FBXW4: variants seen among roughly 807,000 people sequenced by gnomAD.
The protein encoded by FBXW4 is F-box/WD repeat-containing protein 4.
Under a neutral mutation model 61.8 loss-of-function variants are expected in FBXW4, and 40 were observed. That is an observed-to-expected ratio of 0.65 (90% confidence interval 0.50 to 0.84). FBXW4 has a LOEUF of 0.84. Among genes scored for constraint, FBXW4 ranks in the 40% least tolerant of loss-of-function variants. The pLI is 0.00. For synonymous variants in FBXW4, 311 were observed against 313.8 expected (o/e 0.99, Z 0.10); for missense variants, 672 against 753.8 (o/e 0.89, Z 1.27).
At chr10:101,660,886 C>T (rs969618856) in intron 5 of FBXW4, among the ~76,000 whole-genome samples, 1 of 152,198 alleles carries the variant, frequency 6.6e-6, no homozygotes, top group African/African-American at 2.4e-5. Flanking sequence ...TTTTACTTGT[C>T]GGTCTCTCCC....
intron 5 of FBXW4, among the ~76,000 whole-genome samples, chr10:101,654,669 T>C (rs1448214234): frequency 6.6e-6 from 1 of 152,248 alleles, no homozygotes; most frequent in Non-Finnish European, 1.5e-5. Context: ...TACTATTTTC[T>C]GACCTTTTTT....
At chr10:101,615,192 G>A (rs567596934) in intron 6 of FBXW4, among the ~76,000 whole-genome samples, 3 of 152,158 alleles carry the variant, frequency 2.0e-5, no homozygotes, top group Non-Finnish European at 4.4e-5. Context: ...GGGGGCGAGA[G>A]GGGGGTGCAG....
At chr10:101,674,082 C>T (rs773961103) in intron 2 of FBXW4, among the ~76,000 whole-genome samples, 4 of 152,124 alleles carry the variant, frequency 2.6e-5, no homozygotes, top group Non-Finnish European at 5.9e-5. Flanking sequence ...GTAATCCTAG[C>T]ACTTTGGGAG....
intron 7 of FBXW4, 44 bp downstream of exon 7, chr10:101,612,293 G>A: frequency 6.7e-7 from 1 of 1,491,216 alleles, no homozygotes; most frequent in Non-Finnish European, 9.0e-7. Flanking sequence ...ACCAGGATTG[G>A]TGCAGGGCCC....
At chr10:101,621,987 A>C (rs2063870010) in intron 6 of FBXW4, among the ~76,000 whole-genome samples, 1 of 152,168 alleles carries the variant, frequency 6.6e-6, no homozygotes, top group Admixed American at 6.5e-5. Context: ...TCACTCACAG[A>C]GCTACCAAAA....
At chr10:101,672,499 T>C (rs537723440) in intron 4 of FBXW4, among the ~76,000 whole-genome samples, 1 of 152,316 alleles carries the variant, frequency 6.6e-6, no homozygotes, top group South Asian at 2.1e-4. Context: ...ATTTTAATTA[T>C]CAGCCTGATT....
chr10:101,672,848 G>C, intron 4 of FBXW4, 67 bp downstream of exon 4: 2 of 1,562,740 alleles, frequency 1.3e-6, no homozygotes, highest in Non-Finnish European at 1.7e-6. Flanking sequence ...CTGAGACTCA[G>C]GGATCTATCC....
intron 6 of FBXW4, among the ~76,000 whole-genome samples, chr10:101,621,348 G>A (rs1554925559): frequency 6.6e-6 from 1 of 152,156 alleles, no homozygotes; most frequent in Non-Finnish European, 1.5e-5. Flanking sequence ...GCAACATAGC[G>A]AGACCTTGTC....
Position 101,611,996 on chromosome 10 carries a change from C to T in FBXW4, c.1443-227G>A, listed in dbSNP as rs2063790804. On this transcript the variant is annotated intron_variant, in intron 7 of 8. Coordinates refer to ENST00000331272, the MANE Select transcript of FBXW4 (RefSeq NM_022039.4). This position sits in a 1 kb window ranked among gnomAD's most constrained non-coding sequence, Gnocchi z 4.9. ...GACGACACAGCAGATTATGCCTGCA[C>T]TTCTGTTTTCACATGGCCAGCTACT... Among the ~76,000 whole-genome samples, 1 of 152,284 alleles carries T rather than the reference C, an allele frequency of 6.6e-6. No individual in the cohort carries two copies. The highest frequency in any genetic ancestry group is 2.4e-5 in the African/African-American group (1 of 41,480).
chr10:101,619,695 C>G (rs1321370008), intron 6 of FBXW4, among the ~76,000 whole-genome samples: 2 of 151,766 alleles, frequency 1.3e-5, no homozygotes, highest in South Asian at 4.2e-4. Context: ...GGGAAGGGGA[C>G]AGCCAAGCTC....
chr10:101,671,513 T>A (rs1191634642), intron 4 of FBXW4, among the ~76,000 whole-genome samples: 1 of 152,202 alleles, frequency 6.6e-6, no homozygotes, highest in Non-Finnish European at 1.5e-5. Flanking sequence ...CTCAGATTGC[T>A]ACCTATGGTT....
At chr10:101,674,185 C>T (rs1203265872) in intron 2 of FBXW4, among the ~76,000 whole-genome samples, 5 of 152,088 alleles carry the variant, frequency 3.3e-5, no homozygotes, top group African/African-American at 1.2e-4. Flanking sequence ...CAAAATTAGA[C>T]AGGCATAGTG....
chr10:101,658,434 A>G lies in FBXW4; in HGVS notation c.1235+9452T>C, dbSNP rs1379250945. 2.0e-5 allele frequency among the ~76,000 whole-genome samples: 3 copies of G among 152,028 alleles called. No homozygotes were observed. In the East Asian group the frequency reaches 5.8e-4, roughly 29 times the overall value. ...GTGGCATGCGCCTGTAATCCCAGCT[A>G]CTCAGGAGGCTGAGGCAGGACAATT... On this transcript the variant is annotated intron_variant, in intron 5 of 8. Transcript: ENST00000331272.
intron 2 of FBXW4, among the ~76,000 whole-genome samples, chr10:101,674,594 T>C (rs895457376): frequency 2.0e-5 from 3 of 152,230 alleles, no homozygotes; most frequent in African/African-American, 7.2e-5. Context: ...GCTAATGTAC[T>C]GATTAGATAC....
chr10:101,641,458 C>G (rs182588925), intron 5 of FBXW4, among the ~76,000 whole-genome samples: 7 of 152,252 alleles, frequency 4.6e-5, no homozygotes, highest in African/African-American at 1.7e-4. Flanking sequence ...TTTATCTCTT[C>G]TCCACCCTGA....
intron 1 of FBXW4, among the ~76,000 whole-genome samples, chr10:101,681,124 A>G (rs1589780155): frequency 6.6e-6 from 1 of 152,210 alleles, no homozygotes; most frequent in Admixed American, 6.5e-5. Flanking sequence ...TTGGTGGCTC[A>G]CAACTGTGAT....
chr10:101,627,322 C>T (rs565481269), intron 5 of FBXW4, among the ~76,000 whole-genome samples: 1 of 152,244 alleles, frequency 6.6e-6, no homozygotes, highest in Admixed American at 6.5e-5. Context: ...GAGTGTCTTC[C>T]TGGCACTTAG....
At chr10:101,658,268 C>T (rs116332253) in intron 5 of FBXW4, among the ~76,000 whole-genome samples, 3,402 of 152,190 alleles carry the variant, frequency 0.022, 141 homozygotes, top group African/African-American at 0.079. Flanking sequence ...GGTTTGAGGC[C>T]GGGCATGGTG....
chr10:101,627,848 C>A (rs1170253707), intron 5 of FBXW4: 1 of 534,984 alleles, frequency 1.9e-6, no homozygotes, highest in Non-Finnish European at 2.4e-6. Flanking sequence ...ACTCAGACTC[C>A]TCCCTTGAGA....
Sources: allele counts gnomAD v4.1 joint callset (sites outside exome capture counted in the v4.1 genomes callset), GRCh38; gene constraint gnomAD v4.1.1; non-coding constraint Gnocchi (gnomAD v3.1); transcripts MANE v1.5; gene names NCBI Gene and HGNC (gene_info 2026-07-23, HGNC 2026-07-21).